OSBPL6: variants seen among roughly 807,000 people sequenced by gnomAD.
The protein encoded by OSBPL6 is oxysterol binding protein like 6, also known as oxysterol-binding protein-related protein 6.
OSBPL6 carries 49 observed loss-of-function variants against 125.8 expected under a neutral mutation model. The observed-to-expected ratio is 0.39, with a 90% CI of 0.31 to 0.49. The LOEUF is 0.49. OSBPL6 is among the 20% of genes least tolerant of loss of function. The probability of loss-of-function intolerance (pLI) is 0.88; values close to 1 mark genes in which losing one functional copy is unlikely to be tolerated. For missense variants in OSBPL6, 986 were observed against 1,135.4 expected (o/e 0.87, Z 1.89); for synonymous variants, 394 against 391.8 (o/e 1.01, Z -0.07).
chr2:178,307,610 T>C (rs889591532), intron 3 of OSBPL6, among the ~76,000 whole-genome samples: 2 of 152,000 alleles, frequency 1.3e-5, no homozygotes, highest in Non-Finnish European at 2.9e-5. Context: ...GAAGCACTTT[T>C]ATATTAAATA....
At position 178,376,515 on chromosome 2, in the gene OSBPL6, C is replaced by T. The variant is rs1297709552; in HGVS notation, c.1533+2488C>T. Among the ~76,000 whole-genome samples, 3 of 152,134 alleles carry T rather than the reference C, an allele frequency of 2.0e-5. No individual in the cohort carries two copies. The East Asian group carries it at 5.8e-4, about 29-fold the overall frequency. On this transcript the variant is annotated intron_variant, in intron 15 of 24. Coordinates refer to ENST00000190611, the MANE Select transcript of OSBPL6 (RefSeq NM_032523.4). Reference sequence around the variant, plus strand: ...CCCACCTAGATCACCCCATCAGTCTCATAACTTTTCCAGTCTCCCATCTTG... The same window carrying T: ...CCCACCTAGATCACCCCATCAGTCTTATAACTTTTCCAGTCTCCCATCTTG...
chr2:178,246,510 C>A (rs1472434419), intron 1 of OSBPL6, among the ~76,000 whole-genome samples: 1 of 152,190 alleles, frequency 6.6e-6, no homozygotes, highest in Non-Finnish European at 1.5e-5. Flanking sequence ...TGTCCAGTAG[C>A]TACCTGGATC....
chr2:178,395,501 A>C lies in OSBPL6; in HGVS notation c.2747A>C (p.Tyr916Ser). 1 of 1,613,882 alleles carries C rather than the reference A, an allele frequency of 6.2e-7. No homozygotes were observed. The change falls in exon 25 of 25, where the codon TAC becomes TCC. Residue 916 changes from tyrosine (Y) to serine (S), a missense_variant. Physicochemically the swap from Tyr to Ser is moderately radical, Grantham distance 144 (BLOSUM62 -2). This residue lies in a region of OSBPL6 where 843 missense variants were observed against 997.3 expected (regional missense o/e 0.85). Transcript: ENST00000190611. ...QREAWVSNDT[Y>S]WELRKDPGFS... The stretch of plus-strand genomic sequence containing the variant: ...GAAGCCTGGGTTTCTAACGACACCT[A>C]CTGGGAGCTTCGAAAGGACCCTGGG...
At chr2:178,203,058 TG>T (rs1236624715) in intron 1 of OSBPL6, among the ~76,000 whole-genome samples, 2 of 152,196 alleles carry the variant, frequency 1.3e-5, no homozygotes, top group African/African-American at 4.8e-5. Flanking sequence ...GGGGAGTCCA[TG>T]TACTGTATAT....
intron 1 of OSBPL6, among the ~76,000 whole-genome samples, chr2:178,203,950 G>GT (rs1377163290): frequency 6.6e-6 from 1 of 150,392 alleles, no homozygotes; most frequent in Non-Finnish European, 1.5e-5. Context: ...GCGTTCTAGT[G>GT]TTTTTTTCTC....
intron 15 of OSBPL6, among the ~76,000 whole-genome samples, chr2:178,375,536 C>T (rs1479417434): frequency 3.3e-5 from 5 of 152,158 alleles, no homozygotes; most frequent in Non-Finnish European, 7.4e-5. Flanking sequence ...AATTCTCCTG[C>T]CTCAGCCTCC....
At chr2:178,344,199 C>T (rs1055457153) in intron 11 of OSBPL6, 2 of 1,219,976 alleles carry the variant, frequency 1.6e-6, no homozygotes, top group Non-Finnish European at 1.2e-6. Flanking sequence ...TCTCCCTCTC[C>T]TTGTCTGATT....
intron 3 of OSBPL6, among the ~76,000 whole-genome samples, chr2:178,318,251 A>G (rs1355112001): frequency 6.6e-6 from 1 of 152,196 alleles, no homozygotes; most frequent in African/African-American, 2.4e-5. Context: ...GGCCAGTTCA[A>G]TGGTGAGGCT....
At chr2:178,282,471 G>A (rs1684295949) in intron 1 of OSBPL6, among the ~76,000 whole-genome samples, 1 of 152,130 alleles carries the variant, frequency 6.6e-6, no homozygotes, top group South Asian at 2.1e-4. Flanking sequence ...AAGAACTTGT[G>A]GAGAATCAGA....
rs67352645 is a variant in OSBPL6 at position 178,258,760 on chromosome 2, CTT to C, written c.-350-26156_-350-26155del. 7.2e-3 allele frequency among the ~76,000 whole-genome samples: 1,077 copies of C among 148,960 alleles called. 12 individuals are homozygous for C. Among genetic ancestry groups the C allele is most frequent in the African/African-American group, 0.025 (1,007 of 40,734 alleles). On this transcript the variant is annotated intron_variant, in intron 1 of 24. Coordinates refer to ENST00000190611, the MANE Select transcript of OSBPL6 (RefSeq NM_032523.4). ...CCTGCCCAGACCAGGGCTGTTTTGACTTTTTTTTTTTTCCACTGGAGACTACT... is the reference window on the plus strand; with the variant it reads ...CCTGCCCAGACCAGGGCTGTTTTGACTTTTTTTTTTCCACTGGAGACTACT...
rs569592791 is a variant in OSBPL6, at chr2:178,327,079, G to C, written c.196-1177G>C. 1.2e-4 allele frequency among the ~76,000 whole-genome samples: 18 copies of C among 149,082 alleles called. No homozygotes were observed. The South Asian group carries it at 3.5e-3, about 29-fold the overall frequency. ...ACATTGTACACTGCTTGGGTGATGGGTGCACCAAAGTCTCAGAAATCACCA... is the reference window on the plus strand; with the variant it reads ...ACATTGTACACTGCTTGGGTGATGGCTGCACCAAAGTCTCAGAAATCACCA... On this transcript the variant is annotated intron_variant, in intron 4 of 24. Coordinates refer to ENST00000190611, the MANE Select transcript of OSBPL6 (RefSeq NM_032523.4).
intron 1 of OSBPL6, among the ~76,000 whole-genome samples, chr2:178,218,636 T>TC (rs1229146325): frequency 7.6e-4 from 114 of 150,222 alleles, no homozygotes; most frequent in African/African-American, 2.4e-3. Flanking sequence ...TTTCTTTCTT[T>TC]TTTTTTTTTT....
intron 4 of OSBPL6, 33 bp downstream of exon 4, chr2:178,324,302 G>A (rs1352733097): frequency 2.1e-6 from 3 of 1,454,434 alleles, no homozygotes; most frequent in Admixed American, 1.9e-5. Context: ...TTCTCTGCTG[G>A]CATGATGCCT....
Position 178,384,176 on chromosome 2 carries a change from G to A in OSBPL6, c.2013G>A (p.Gln671=). 1.2e-6 allele frequency: 2 copies of A among 1,613,272 alleles called. No individual in the cohort carries two copies. The highest frequency in any genetic ancestry group is 1.7e-6 in the Non-Finnish European group (2 of 1,179,350). Residue 671 remains glutamine (Q), a splice_region_variant and synonymous_variant, in exon 18 of 25, where the codon CAG becomes CAA. Coordinates refer to ENST00000190611, the MANE Select transcript of OSBPL6 (RefSeq NM_032523.4). Reference sequence around the variant, plus strand: ...AGGGATTCCGCTTTTTCTCAGAACAGGTAAGCGCCACTGGACTCAGTGAGG... The same window carrying A: ...AGGGATTCCGCTTTTTCTCAGAACAAGTAAGCGCCACTGGACTCAGTGAGG... The part of the protein sequence containing the change: ...EDKGFRFFSE[Q]VSHHPPISAC...
intron 12 of OSBPL6, among the ~76,000 whole-genome samples, chr2:178,353,845 A>G (rs1286670330): frequency 6.6e-6 from 1 of 152,198 alleles, no homozygotes; most frequent in Non-Finnish European, 1.5e-5. Context: ...GCCCAAGAGA[A>G]AGGTCGGGTT....
At chr2:178,239,509 G>A (rs1316369246) in intron 1 of OSBPL6, among the ~76,000 whole-genome samples, 3 of 152,018 alleles carry the variant, frequency 2.0e-5, no homozygotes. Flanking sequence ...ACTCTAGCCT[G>A]GGTGACAGTG....
At chr2:178,247,553 T>A (rs377418908) in intron 1 of OSBPL6, among the ~76,000 whole-genome samples, 7 of 152,106 alleles carry the variant, frequency 4.6e-5, no homozygotes, top group African/African-American at 1.7e-4. Flanking sequence ...ATGTCTTGCT[T>A]CTCTTTCACT....
intron 8 of OSBPL6, among the ~76,000 whole-genome samples, chr2:178,334,815 C>A (rs188644959): frequency 2.0e-5 from 3 of 152,360 alleles, no homozygotes; most frequent in Admixed American, 6.5e-5. Flanking sequence ...AGCCACCACA[C>A]CTGGCCTTAA....
Position 178,304,475 on chromosome 2 carries a change from G to A in OSBPL6, c.-155-1555G>A, listed in dbSNP as rs552697607. Among the ~76,000 whole-genome samples the A allele has an allele frequency of 8.0e-4, 122 of 152,196 alleles. 1 individual carries two copies. The highest frequency in any genetic ancestry group is 2.6e-3 in the African/African-American group (110 of 41,520). On this transcript the variant is annotated intron_variant, in intron 2 of 24. Coordinates refer to ENST00000190611, the MANE Select transcript of OSBPL6 (RefSeq NM_032523.4). ...TCATGAGGACAGGATGAGGGTAACC[G>A]CCCCCAAGATCAAATTACTTCTCAT...
Sources: allele counts gnomAD v4.1 joint callset (sites outside exome capture counted in the v4.1 genomes callset), GRCh38; gene constraint gnomAD v4.1.1; regional missense constraint gnomAD v4.1.1; transcripts MANE v1.5; gene names NCBI Gene and HGNC (gene_info 2026-07-23, HGNC 2026-07-21).